The following TXNRD1 variants were observed in gnomAD, a reference collection of about 807,000 sequenced individuals.
The protein encoded by TXNRD1 is thioredoxin reductase 1.
Under a neutral mutation model 80.3 loss-of-function variants are expected in TXNRD1, and 57 were observed. The observed-to-expected ratio is 0.71, with a 90% CI of 0.57 to 0.89. TXNRD1 has a LOEUF of 0.89. Ranked by LOEUF, TXNRD1 falls within the 40% of genes least tolerant of loss-of-function variation. The pLI, the probability that TXNRD1 is intolerant of heterozygous loss-of-function variation, is 0.00. For synonymous variants in TXNRD1, 291 were observed against 285.2 expected (o/e 1.02, Z -0.20); for missense variants, 730 against 803.0 (o/e 0.91, Z 1.10).
chr12:104,328,713 T>A (rs2035851676), intron 13 of TXNRD1, among the ~76,000 whole-genome samples: 1 of 145,888 alleles, frequency 6.9e-6, no homozygotes, highest in African/African-American at 2.6e-5. Context: ...GAGCCGAGAT[T>A]GCACCACTGC....
intron 1 of TXNRD1, among the ~76,000 whole-genome samples, chr12:104,218,392 T>TTTTACA (rs963638505): frequency 6.6e-6 from 1 of 152,040 alleles, no homozygotes; most frequent in Admixed American, 6.6e-5. Flanking sequence ...ACAAACGAAG[T>TTTTACA]ATATGCATGC....
At chr12:104,267,486 T>C (rs2033529662) in intron 3 of TXNRD1, among the ~76,000 whole-genome samples, 1 of 151,700 alleles carries the variant, frequency 6.6e-6, no homozygotes, top group Non-Finnish European at 1.5e-5. Flanking sequence ...TGAGCCACCA[T>C]GCCCAGCCTG....
chr12:104,229,886 C>T (rs777832101), intron 1 of TXNRD1, among the ~76,000 whole-genome samples: 5 of 152,010 alleles, frequency 3.3e-5, no homozygotes, highest in South Asian at 2.1e-4. Context: ...CCACTGTGCC[C>T]GGGCAATTTT....
At chr12:104,262,232 T>TTAAAA (rs575259206) in intron 3 of TXNRD1, 1 of 93,730 alleles carries the variant, frequency 1.1e-5, no homozygotes, top group Non-Finnish European at 2.0e-5. Context: ...GACTCTGTAT[T>TTAAAA]AAAAAAAAAA....
chr12:104,290,720 C>CATATATATATATATAT lies in TXNRD1; in HGVS notation c.414+1703_414+1718dup, dbSNP rs58669975. Among the ~76,000 whole-genome samples, 133 of 55,836 alleles carry CATATATATATATATAT rather than the reference C, an allele frequency of 2.4e-3. 1 individual carries two copies. The highest frequency in any genetic ancestry group is 3.2e-3 in the Non-Finnish European group (94 of 29,330). 36.6% of individuals were successfully genotyped at this position (55,836 alleles called of 152,430 possible). On this transcript the variant is annotated intron_variant, in intron 4 of 16. Coordinates refer to ENST00000525566, the MANE Select transcript of TXNRD1 (RefSeq NM_001093771.3). ...TCAAAAAAAAAAAAAAAGAAATATA[C>CATATATATATATATAT]ATATATATATATATATATATATATA...
At chr12:104,294,314 C>CGATCCTCTTGGTGACG in intron 4 of TXNRD1, among the ~76,000 whole-genome samples, 2 of 150,364 alleles carry the variant, frequency 1.3e-5, no homozygotes, top group East Asian at 4.0e-4. Context: ...TGCTGGACCA[C>CGATCCTCTTGGTGACG]GATCCTCTTG....
Position 104,288,936 on chromosome 12 carries a change from G to A in TXNRD1, c.310G>A (p.Gly104Ser), listed in dbSNP as rs200037001. 210 of 1,614,044 alleles carry A rather than the reference G, an allele frequency of 1.3e-4. No homozygotes were observed. In the African/African-American group the frequency reaches 2.5e-3, roughly 20 times the overall value. ...FVLELDQTED[G>S]RALEGTLSEL... ...TCTGCTTTTGTGCCACACAGAGGAC[G>A]GTCGGGCCCTGGAAGGAACGCTCTC... The change falls in exon 4 of 17, where the codon GGT becomes AGT. Residue 104 changes from glycine (G) to serine (S), a missense_variant. Transcript: ENST00000525566.
intron 6 of TXNRD1, among the ~76,000 whole-genome samples, chr12:104,314,721 T>C (rs930593644): frequency 2.0e-5 from 3 of 149,990 alleles, no homozygotes; most frequent in African/African-American, 7.4e-5. Flanking sequence ...AATGCACATA[T>C]ACACCAAAAT....
At chr12:104,346,823 A>G (rs1364111654) in intron 16 of TXNRD1, among the ~76,000 whole-genome samples, 2 of 152,220 alleles carry the variant, frequency 1.3e-5, no homozygotes, top group Non-Finnish European at 2.9e-5. Context: ...GGCCAGGCAC[A>G]GTGGCTCATG....
chr12:104,299,767 CAAAAA>C (rs35918319), intron 4 of TXNRD1, among the ~76,000 whole-genome samples: 3 of 104,858 alleles, frequency 2.9e-5, no homozygotes, highest in Non-Finnish European at 5.6e-5. Context: ...GACTCCGTCT[CAAAAA>C]AAAAAAAAAA....
chr12:104,291,544 C>T (rs564079570), intron 4 of TXNRD1, among the ~76,000 whole-genome samples: 39 of 138,318 alleles, frequency 2.8e-4, no homozygotes, highest in African/African-American at 8.6e-4. Flanking sequence ...AGTTCAGTGG[C>T]GCGATCTTGG....
intron 1 of TXNRD1, among the ~76,000 whole-genome samples, chr12:104,219,731 C>G (rs1464864813): frequency 6.6e-6 from 1 of 152,108 alleles, no homozygotes; most frequent in Admixed American, 6.6e-5. Flanking sequence ...CCTTGGCATA[C>G]TGCCCTACAA....
intron 5 of TXNRD1, 53 bp from the exon 6 acceptor site, chr12:104,313,192 T>C (rs2035200946): frequency 2.1e-6 from 3 of 1,438,902 alleles, no homozygotes; most frequent in Non-Finnish European, 2.9e-6. Flanking sequence ...ACAGCCCATT[T>C]CCAATCTGTC....
chr12:104,249,716 A>T (rs548464252), intron 1 of TXNRD1, among the ~76,000 whole-genome samples: 1 of 152,076 alleles, frequency 6.6e-6, no homozygotes, highest in Non-Finnish European at 1.5e-5. Context: ...TGGGCAGATC[A>T]CGAGGTCAGG....
At chr12:104,246,715 G>A (rs1374649563) in intron 1 of TXNRD1, among the ~76,000 whole-genome samples, 2 of 151,632 alleles carry the variant, frequency 1.3e-5, no homozygotes, top group Non-Finnish European at 2.9e-5. Flanking sequence ...TAGAGACTGG[G>A]TTTCACCATG....
chr12:104,306,861 G>A (rs1248724333), intron 4 of TXNRD1, among the ~76,000 whole-genome samples: 1 of 152,146 alleles, frequency 6.6e-6, no homozygotes, highest in Non-Finnish European at 1.5e-5. Flanking sequence ...GCTGTTGGAA[G>A]AAAAAGTACT....
chr12:104,347,684 A>C (rs2036537258), intron 16 of TXNRD1, among the ~76,000 whole-genome samples: 1 of 152,238 alleles, frequency 6.6e-6, no homozygotes, highest in Non-Finnish European at 1.5e-5. Context: ...GAAGGAGCCC[A>C]AATGTGTGAT....
At position 104,311,991 on chromosome 12, in the gene TXNRD1, T is replaced by A. The variant is rs1419511655; in HGVS notation, c.537+579T>A. Among the ~76,000 whole-genome samples, 26 of 104,994 alleles carry A rather than the reference T, an allele frequency of 2.5e-4. No homozygotes were observed. In the South Asian group the frequency reaches 2.6e-3, roughly 10 times the overall value. The allele number at this position is 104,994 out of a possible 152,430, so 68.9% of individuals were successfully genotyped here. A position where few individuals can be genotyped will look rare whatever the true frequency, so the allele number is the denominator to read the frequency against. Reference sequence around the variant, plus strand: ...AGCAAAACTCTGTCTTTAAAAAATATATATATATATGTGTATATATATGTA... The same window carrying A: ...AGCAAAACTCTGTCTTTAAAAAATAAATATATATATGTGTATATATATGTA... On this transcript the variant is annotated intron_variant, in intron 5 of 16. Coordinates refer to ENST00000525566, the MANE Select transcript of TXNRD1 (RefSeq NM_001093771.3).
At chr12:104,262,589 G>T (rs11377742) in intron 3 of TXNRD1, 1 of 151,966 alleles carries the variant, frequency 6.6e-6, no homozygotes, top group Admixed American at 6.6e-5. Context: ...GATCATAGTG[G>T]GTATTTAAAA....
Sources: gnomAD v4.1 joint callset for allele counts (sites outside exome capture counted in the v4.1 genomes callset) on GRCh38, gnomAD v4.1.1 for gene constraint, MANE v1.5 for transcripts, NCBI Gene and HGNC (gene_info 2026-07-23, HGNC 2026-07-21) for gene names.